CYP4X1: variants seen among roughly 807,000 people sequenced by gnomAD.
CYP4X1 encodes cytochrome P450 family 4 subfamily X member 1.
Under a neutral mutation model 57.9 loss-of-function variants are expected in CYP4X1, and 44 were observed. The ratio of observed to expected loss-of-function variants is 0.76; its 90% CI spans 0.60 to 0.98. The LOEUF (loss-of-function observed/expected upper bound fraction) is 0.98, where lower values mean the gene tolerates loss of function less well. Among genes scored for constraint, CYP4X1 ranks in the 50% least tolerant of loss-of-function variants. The pLI is 0.00. For missense variants in CYP4X1, 532 were observed against 623.9 expected (o/e 0.85, Z 1.57); for synonymous variants, 227 against 228.6 (o/e 0.99, Z 0.06).
chr1:47,007,347 C>A, the CYP4X1 span, among the ~76,000 whole-genome samples: 19 of 152,210 alleles, frequency 1.2e-4, no homozygotes, highest in African/African-American at 4.6e-4. Flanking sequence ...CAAACACCAA[C>A]AGACCTGCAG....
At chr1:46,973,674 A>T in the CYP4X1 span, among the ~76,000 whole-genome samples, 1 of 152,104 alleles carries the variant, frequency 6.6e-6, no homozygotes, top group Non-Finnish European at 1.5e-5. Flanking sequence ...TGTTTCCAGG[A>T]ATTTATCCAT....
In CYP4X1 at chr1:47,037,813, A is replaced by G. The variant is rs962337314; in HGVS notation, c.776-847A>G. ...ATTTCATTATTTTCATATTTAAATC[A>G]GAGATCTAAACTCCATTTAGAATTT... On this transcript the variant is annotated intron_variant, in intron 6 of 11. Coordinates refer to ENST00000371901, the MANE Select transcript of CYP4X1 (RefSeq NM_178033.2). Among the ~76,000 whole-genome samples, 24 of 152,156 alleles carry G rather than the reference A, an allele frequency of 1.6e-4. 1 individual carries two copies. Among genetic ancestry groups the G allele is most frequent in the East Asian group, 5.8e-4 (3 of 5,200 alleles).
chr1:47,033,286 G>A lies in CYP4X1; in HGVS notation c.410G>A (p.Arg137His), dbSNP rs778621423. 3.7e-5 allele frequency: 60 copies of A among 1,613,558 alleles called. No individual in the cohort carries two copies. The South Asian group carries it at 4.0e-4, about 11-fold the overall frequency. Residue 137 changes from arginine to histidine, a missense_variant, in exon 4 of 12, where the codon CGT (arginine) becomes CAT (histidine). Coordinates refer to ENST00000371901, the MANE Select transcript of CYP4X1 (RefSeq NM_178033.2). ...GACGGACCCAAGTGGTTCCAGCATC[G>A]TCGCCTACTAACTCCTGGATTCCAT... ...ALDGPKWFQH[R>H]RLLTPGFHFN...
chr1:47,049,602 A>G, intron 11 of CYP4X1, 98 bp downstream of exon 11: 1 of 1,117,150 alleles, frequency 9.0e-7, no homozygotes, highest in Non-Finnish European at 1.3e-6. Flanking sequence ...CTTCCAGGGA[A>G]CCGTAGATCT....
intron 8 of CYP4X1, among the ~76,000 whole-genome samples, chr1:47,040,732 A>G (rs1644237120): frequency 6.6e-6 from 1 of 152,156 alleles, no homozygotes; most frequent in Non-Finnish European, 1.5e-5. Context: ...TGATATATGT[A>G]TACACTGTGG....
the CYP4X1 span, among the ~76,000 whole-genome samples, chr1:46,981,393 A>G: frequency 1.3e-5 from 2 of 152,200 alleles, no homozygotes; most frequent in Admixed American, 1.3e-4. Flanking sequence ...GCTCATCATC[A>G]CTGGTCATCA....
the CYP4X1 span, among the ~76,000 whole-genome samples, chr1:46,995,929 T>A: frequency 4.8e-3 from 728 of 152,318 alleles, 11 homozygotes; most frequent in East Asian, 0.044. Context: ...CAGCACCTGG[T>A]TTTTATTCAC....
At chr1:47,012,612 AG>A in the CYP4X1 span, among the ~76,000 whole-genome samples, 1 of 152,166 alleles carries the variant, frequency 6.6e-6, no homozygotes, top group African/African-American at 2.4e-5. Flanking sequence ...GAAAAAAAAA[AG>A]GTCTGGCATA....
intron 3 of CYP4X1, 131 bp downstream of exon 3, chr1:47,031,611 T>G (rs1644124443): frequency 1.0e-6 from 1 of 952,980 alleles, no homozygotes; most frequent in Non-Finnish European, 1.6e-6. Flanking sequence ...TACTGAACGT[T>G]ATCTAGGGGA....
At chr1:47,025,278 T>C (rs893874266) in intron 1 of CYP4X1, among the ~76,000 whole-genome samples, 9 of 152,180 alleles carry the variant, frequency 5.9e-5, no homozygotes, top group African/African-American at 2.2e-4. Context: ...ACTGCTCCTG[T>C]TCACTTCCAC....
chr1:46,999,654 G>C, the CYP4X1 span, among the ~76,000 whole-genome samples: 2 of 151,950 alleles, frequency 1.3e-5, no homozygotes, highest in Admixed American at 1.3e-4. Flanking sequence ...TGTGGCATTA[G>C]GTTGTTAATT....
At chr1:47,003,158 T>TG in the CYP4X1 span, 2 of 152,216 alleles carry the variant, frequency 1.3e-5, no homozygotes, top group African/African-American at 2.4e-5. Flanking sequence ...TTGGTTTCTC[T>TG]GTCACCAAGA....
chr1:47,050,299 C>G lies in CYP4X1; in HGVS notation c.*125C>G, dbSNP rs1411139718. 2 of 1,007,622 alleles carry G rather than the reference C, an allele frequency of 2.0e-6. No individual in the cohort carries two copies. Among genetic ancestry groups the G allele is most frequent in the Non-Finnish European group, 2.9e-6 (2 of 684,436 alleles). 62.4% of individuals were successfully genotyped at this position (1,007,622 alleles called of 1,614,324 possible). On this transcript the variant is annotated 3_prime_UTR_variant, in exon 12 of 12. Coordinates refer to ENST00000371901, the MANE Select transcript of CYP4X1 (RefSeq NM_178033.2). Reference sequence around the variant, plus strand: ...TTGGAGGTTGGTGGGATAGGGGTCTCTGTGAAGAGATCCAAAATCATTTCT... The same window carrying G: ...TTGGAGGTTGGTGGGATAGGGGTCTGTGTGAAGAGATCCAAAATCATTTCT...
the CYP4X1 span, among the ~76,000 whole-genome samples, chr1:46,962,319 T>G: frequency 6.6e-6 from 1 of 152,076 alleles, no homozygotes; most frequent in Non-Finnish European, 1.5e-5. Context: ...GGTTTCACCA[T>G]GTTGGTCAGG....
chr1:47,024,184 C>T (rs1644036211), intron 1 of CYP4X1, among the ~76,000 whole-genome samples, 190 bp downstream of exon 1: 1 of 152,156 alleles, frequency 6.6e-6, no homozygotes, highest in Non-Finnish European at 1.5e-5. Context: ...TTTCCCGCAG[C>T]CCCACAGGGA....
intron 2 of CYP4X1, among the ~76,000 whole-genome samples, chr1:47,031,103 C>T (rs754733614): frequency 2.6e-5 from 4 of 152,214 alleles, no homozygotes; most frequent in Non-Finnish European, 5.9e-5. Flanking sequence ...CGTTAATTTT[C>T]CTTCTGTAAA....
chr1:47,009,581 A>G, the CYP4X1 span, among the ~76,000 whole-genome samples: 1 of 152,210 alleles, frequency 6.6e-6, no homozygotes, highest in Admixed American at 6.5e-5. Context: ...TGAAGGAAAT[A>G]GAGACACAAA....
chr1:46,994,999 C>T, the CYP4X1 span, among the ~76,000 whole-genome samples: 747 of 152,270 alleles, frequency 4.9e-3, 8 homozygotes, highest in African/African-American at 0.017. Context: ...ATGGATTAGA[C>T]TCTTTCTCTA....
the CYP4X1 span, among the ~76,000 whole-genome samples, chr1:46,967,498 G>A: frequency 6.6e-6 from 1 of 152,138 alleles, no homozygotes; most frequent in Non-Finnish European, 1.5e-5. Flanking sequence ...AGGTAGAGCA[G>A]CAGATACAGA....
Sources: allele counts gnomAD v4.1 joint callset (sites outside exome capture counted in the v4.1 genomes callset), GRCh38; gene constraint gnomAD v4.1.1; transcripts MANE v1.5; gene names NCBI Gene and HGNC (gene_info 2026-07-23, HGNC 2026-07-21).